PTPN5: variants seen among roughly 807,000 people sequenced by gnomAD.
The protein encoded by PTPN5 is tyrosine-protein phosphatase non-receptor type 5.
PTPN5 carries 29 observed loss-of-function variants against 73.9 expected under a neutral mutation model. The ratio of observed to expected loss-of-function variants is 0.39; its 90% CI spans 0.29 to 0.54. The LOEUF (loss-of-function observed/expected upper bound fraction) is 0.54. PTPN5 is among the 20% of genes least tolerant of loss of function. The pLI is 0.65. For missense variants in PTPN5, 652 were observed against 751.4 expected (o/e 0.87, Z 1.55); for synonymous variants, 267 against 304.7 (o/e 0.88, Z 1.29).
rs1322832704 is a variant in PTPN5 at position 18,785,758 on chromosome 11, GTC to G, written c.-114+5765_-114+5766del. Among the ~76,000 whole-genome samples, 11 of 152,186 alleles carry G rather than the reference GTC, an allele frequency of 7.2e-5. No homozygotes were observed. The South Asian group carries it at 1.0e-3, about 14-fold the overall frequency. ...AGAAAGACACTTCAGGACTTGGTGT[GTC>G]TCTCTAATGACTCCAACCAACTACC... On this transcript the variant is annotated intron_variant, in intron 1 of 14. Coordinates refer to ENST00000358540, the MANE Select transcript of PTPN5 (RefSeq NM_006906.2).
intron 2 of PTPN5, among the ~76,000 whole-genome samples, chr11:18,769,103 C>T (rs1289362860): frequency 1.3e-5 from 2 of 152,182 alleles, no homozygotes; most frequent in East Asian, 3.8e-4. Flanking sequence ...GAGGATGTCC[C>T]GGAGTGAAAG....
chr11:18,743,268 C>G, intron 5 of PTPN5, 54 bp downstream of exon 5: 1 of 1,546,308 alleles, frequency 6.5e-7, no homozygotes, highest in Non-Finnish European at 8.9e-7. Flanking sequence ...GAGGGTGGGA[C>G]TAGAGGCCCC....
chr11:18,729,087 C>T lies in PTPN5; in HGVS notation c.1605-60G>A. On this transcript the variant is annotated intron_variant, in intron 14 of 14. Transcript: ENST00000358540. This position sits in a 1 kb window ranked among gnomAD's most constrained non-coding sequence, Gnocchi z 5.2. ...GTGGAGGGATGGGCTGTGGGAGGTG[C>T]CCCAAAAGCCATGGAGTAGCAATCA... 2 of 1,559,548 alleles carry T rather than the reference C, an allele frequency of 1.3e-6. No individual in the cohort carries two copies. Among genetic ancestry groups the T allele is most frequent in the South Asian group, 1.1e-5 (1 of 87,988 alleles).
At chr11:18,787,929 T>C (rs1038495921) in intron 1 of PTPN5, among the ~76,000 whole-genome samples, 1 of 152,212 alleles carries the variant, frequency 6.6e-6, no homozygotes, top group Non-Finnish European at 1.5e-5. Context: ...TGGTTCTTGA[T>C]AGTTTAGGGT....
At chr11:18,753,338 C>A (rs148044485) in intron 3 of PTPN5, among the ~76,000 whole-genome samples, 2 of 152,180 alleles carry the variant, frequency 1.3e-5, no homozygotes, top group South Asian at 2.1e-4. Context: ...CCTCAGGGGG[C>A]CTTCCAAGTG....
Position 18,742,323 on chromosome 11 carries a change from C to T in PTPN5, c.664G>A (p.Asp222Asn). 6.2e-7 allele frequency: 1 copy of T among 1,614,146 alleles called. No individual in the cohort carries two copies. Among genetic ancestry groups the T allele is most frequent in the Non-Finnish European group, 8.5e-7 (1 of 1,180,032 alleles). The change falls in exon 7 of 15, where the codon GAC becomes AAC. Residue 222 changes from aspartate (D) to asparagine (N), a missense_variant. Asp to Asn is a conservative substitution (Grantham distance 23). This residue lies in a region of PTPN5 where 529 missense variants were observed against 573.9 expected (regional missense o/e 0.92). Coordinates refer to ENST00000358540, the MANE Select transcript of PTPN5 (RefSeq NM_006906.2). The surrounding 1 kb of genome is among the most constrained non-coding windows in gnomAD (Gnocchi z 4.1). ...PETPVFDCVM[D>N]IKPEADPTSL... ...GTGGGGTCAGCCTCAGGCTTGATGT[C>T]CATCACACAATCAAACACAGGAGTC...
intron 3 of PTPN5, among the ~76,000 whole-genome samples, chr11:18,746,192 T>TATATATATATATATAC (rs550537453): frequency 0.014 from 1,457 of 102,534 alleles, 87 homozygotes; most frequent in Non-Finnish European, 0.022. Flanking sequence ...TATATATATA[T>TATATATATATATATAC]ACATTTTTTT....
rs752137685 is a variant in PTPN5, at chr11:18,733,377, G to A, written c.1081-5C>T. ...CTTCTCCTCCCCACCATAGCCCTGC[G>A]GCCAGCCAAGTCCAGGCTGTCAGGG... On this transcript the variant is annotated splice_polypyrimidine_tract_variant and splice_region_variant and intron_variant, in intron 10 of 14. Transcript: ENST00000358540. The surrounding 1 kb of genome is among the most constrained non-coding windows in gnomAD (Gnocchi z 4.3). The A allele has an allele frequency of 1.1e-5, 18 of 1,612,458 alleles. No homozygotes were observed. Among genetic ancestry groups the A allele is most frequent in the East Asian group, 6.7e-5 (3 of 44,822 alleles).
Position 18,729,494 on chromosome 11 carries a change from C to T in PTPN5, c.1563G>A (p.Val521=), listed in dbSNP as rs1550870. The T allele has an allele frequency of 0.44, 697,088 of 1,595,390 alleles. 157,843 individuals are homozygous for T. Among genetic ancestry groups the T allele is most frequent in the Non-Finnish European group, 0.47 (549,571 of 1,169,078 alleles). Residue 521 remains valine (V), a synonymous_variant, in exon 14 of 15, where the codon GTG becomes GTA. Transcript: ENST00000358540. This position sits in a 1 kb window ranked among gnomAD's most constrained non-coding sequence, Gnocchi z 5.2. The part of the protein sequence containing the change: ...ICCQQLRQEG[V]VDILKTTCQL... Reference sequence around the variant, plus strand: ...GGCACGTGGTCTTCAGGATGTCCACCACACCCTCCTGCCGCAGCTGCTGGC... The same window carrying T: ...GGCACGTGGTCTTCAGGATGTCCACTACACCCTCCTGCCGCAGCTGCTGGC...
intron 1 of PTPN5, among the ~76,000 whole-genome samples, chr11:18,776,369 C>A (rs1851156578): frequency 4.6e-5 from 7 of 151,536 alleles, no homozygotes; most frequent in Admixed American, 4.6e-4. Context: ...CTCAATAGAA[C>A]CCTCCCCAAC....
rs566115798 is a variant in PTPN5, at chr11:18,744,082, G to A, written c.215C>T (p.Pro72Leu). Residue 72 changes from proline (P) to leucine (L), a missense_variant, in exon 4 of 15, where the codon CCA becomes CTA. Pro to Leu is a moderately conservative substitution (Grantham distance 98). Around this residue, in one of 3 missense-constraint regions of PTPN5, gnomAD observed 529 missense variants for 573.9 expected, o/e 0.92. Coordinates refer to ENST00000358540, the MANE Select transcript of PTPN5 (RefSeq NM_006906.2). The stretch of plus-strand genomic sequence containing the variant: ...GTGGCTCCCAGCGCCTCGAGGTGGT[G>A]GCTTCTGAGCTGGATCTGAGGGCGG... Reference protein sequence around the residue: ...PSPPSDPAQKPPPRGAGSHSL... With the variant: ...PSPPSDPAQKLPPRGAGSHSL... The A allele has an allele frequency of 3.7e-6, 6 of 1,610,886 alleles. No homozygotes were observed. The South Asian group carries it at 4.4e-5, about 12-fold the overall frequency.
chr11:18,772,194 G>A, intron 1 of PTPN5, 123 bp from the exon 2 acceptor site: 1 of 528,444 alleles, frequency 1.9e-6, no homozygotes, highest in Non-Finnish European at 3.3e-6. Context: ...TCCTCCCCTG[G>A]TGCCCTGCTT....
chr11:18,733,388 T>C lies in PTPN5; in HGVS notation c.1081-16A>G, dbSNP rs1001538075. ...CACCATAGCCCTGCGGCCAGCCAAG[T>C]CCAGGCTGTCAGGGTCAGAGGCAGT... is the stretch of plus-strand genomic sequence containing the variant. On this transcript the variant is annotated splice_polypyrimidine_tract_variant and intron_variant, in intron 10 of 14. Coordinates refer to ENST00000358540, the MANE Select transcript of PTPN5 (RefSeq NM_006906.2). The surrounding 1 kb of genome is among the most constrained non-coding windows in gnomAD (Gnocchi z 4.3). 8 of 1,611,836 alleles carry C rather than the reference T, an allele frequency of 5.0e-6. No homozygotes were observed. The highest frequency in any genetic ancestry group is 6.8e-6 in the Non-Finnish European group (8 of 1,178,194).
chr11:18,766,074 A>G (rs928861797), intron 2 of PTPN5, among the ~76,000 whole-genome samples, 191 bp from the exon 3 acceptor site: 1 of 152,182 alleles, frequency 6.6e-6, no homozygotes, highest in Non-Finnish European at 1.5e-5. Context: ...AGAATTTTGC[A>G]GGTGTCTTCC....
At chr11:18,743,857 C>T (rs1457150032) in intron 4 of PTPN5, 149 bp downstream of exon 4, 9 of 892,266 alleles carry the variant, frequency 1.0e-5, no homozygotes, top group African/African-American at 1.7e-5. Flanking sequence ...TTCCCCTTAT[C>T]CCAGCCTTGA....
intron 2 of PTPN5, among the ~76,000 whole-genome samples, chr11:18,770,637 G>C (rs4348874): frequency 2.0e-5 from 3 of 152,056 alleles, no homozygotes; most frequent in Non-Finnish European, 2.9e-5. Context: ...CTCCCATCAC[G>C]CTTGTGGTTT....
At chr11:18,748,253 A>G (rs932238406) in intron 3 of PTPN5, among the ~76,000 whole-genome samples, 1 of 152,042 alleles carries the variant, frequency 6.6e-6, no homozygotes, top group Non-Finnish European at 1.5e-5. Context: ...CAGAACAGCC[A>G]CTCCAGAGGC....
intron 2 of PTPN5, 92 bp from the exon 3 acceptor site, chr11:18,765,975 T>G: frequency 1.1e-6 from 1 of 931,804 alleles, no homozygotes; most frequent in Non-Finnish European, 1.7e-6. Flanking sequence ...CTCTCCTGTA[T>G]TCTGTATCCC....
At chr11:18,743,464 G>C in intron 4 of PTPN5, 35 bp from the exon 5 acceptor site, 2 of 1,583,878 alleles carry the variant, frequency 1.3e-6, no homozygotes, top group Non-Finnish European at 1.7e-6. Flanking sequence ...GTATGGAGCC[G>C]GCCCCCTTCC....
Sources: gnomAD v4.1 joint callset for allele counts (sites outside exome capture counted in the v4.1 genomes callset) on GRCh38, gnomAD v4.1.1 for gene constraint, gnomAD v4.1.1 regional missense constraint, Gnocchi (gnomAD v3.1) non-coding constraint, MANE v1.5 for transcripts, NCBI Gene and HGNC (gene_info 2026-07-23, HGNC 2026-07-21) for gene names.